Variants in ALK observed in about 807,000 individuals in gnomAD.
The protein encoded by ALK is ALK tyrosine kinase receptor.
ALK carries 74 observed loss-of-function variants against 163.1 expected under a neutral mutation model. That is an observed-to-expected ratio of 0.45 (90% CI 0.38 to 0.55). The LOEUF (loss-of-function observed/expected upper bound fraction) is 0.55. Ranked by LOEUF, ALK falls within the 20% of genes least tolerant of loss-of-function variation. The probability of loss-of-function intolerance (pLI) is 0.00; values close to 1 mark genes in which losing one functional copy is unlikely to be tolerated. For synonymous variants in ALK, 960 were observed against 843.2 expected (o/e 1.14, Z -2.40); for missense variants, 2,063 against 2,105.3 (o/e 0.98, Z 0.39).
At chr2:29,772,867 C>A (rs1681065275) in intron 1 of ALK, among the ~76,000 whole-genome samples, 1 of 152,226 alleles carries the variant, frequency 6.6e-6, no homozygotes, top group Non-Finnish European at 1.5e-5. Context: ...TACCTGGTCT[C>A]ATGATCAAAG....
chr2:29,429,369 C>A (rs1193784836), intron 4 of ALK, among the ~76,000 whole-genome samples: 2 of 151,848 alleles, frequency 1.3e-5, no homozygotes, highest in Non-Finnish European at 2.9e-5. Context: ...TAAGAAATCA[C>A]TAAAAAATAT....
intron 3 of ALK, among the ~76,000 whole-genome samples, chr2:29,630,621 G>T (rs180839285): frequency 7.1e-4 from 108 of 151,942 alleles, no homozygotes; most frequent in African/African-American, 2.5e-3. Flanking sequence ...GTTCTTAAGG[G>T]TATCACTAAA....
At chr2:29,311,703 C>G (rs1214959634) in intron 8 of ALK, among the ~76,000 whole-genome samples, 1 of 152,132 alleles carries the variant, frequency 6.6e-6, no homozygotes, top group Non-Finnish European at 1.5e-5. Context: ...CTGGAGGACA[C>G]TGTGGGCCTT....
intron 3 of ALK, among the ~76,000 whole-genome samples, chr2:29,610,201 A>G (rs1199854153): frequency 6.6e-6 from 1 of 152,216 alleles, no homozygotes; most frequent in Non-Finnish European, 1.5e-5. Context: ...CACATGCTGC[A>G]ACAGGAGTAC....
chr2:29,770,672 CA>C (rs1418289581), intron 1 of ALK, among the ~76,000 whole-genome samples: 1 of 151,912 alleles, frequency 6.6e-6, no homozygotes, highest in East Asian at 1.9e-4. Flanking sequence ...ATTATGATAG[CA>C]AAACAAGACT....
chr2:29,397,189 T>C (rs896792404), intron 4 of ALK, among the ~76,000 whole-genome samples: 1 of 152,148 alleles, frequency 6.6e-6, no homozygotes, highest in East Asian at 1.9e-4. Context: ...AAGTTAAAAT[T>C]AGATCATTAG....
chr2:29,689,368 G>A lies in ALK; in HGVS notation c.952+5482C>T, dbSNP rs539178457. On this transcript the variant is annotated intron_variant, in intron 3 of 28. Coordinates refer to ENST00000389048, the MANE Select transcript of ALK (RefSeq NM_004304.5). ...GGCTATATCCTGAGAGAATTTTCCCGCAAAGTCTGCACTTGCAGTTCAAAA... is the reference window on the plus strand; with the variant it reads ...GGCTATATCCTGAGAGAATTTTCCCACAAAGTCTGCACTTGCAGTTCAAAA... Among the ~76,000 whole-genome samples, 9 of 152,166 alleles carry A rather than the reference G, an allele frequency of 5.9e-5. No homozygotes were observed. In the South Asian group the frequency reaches 8.3e-4, roughly 14 times the overall value.
chr2:29,261,161 C>T (rs570361501), intron 11 of ALK, among the ~76,000 whole-genome samples: 64 of 152,308 alleles, frequency 4.2e-4, no homozygotes, highest in African/African-American at 1.5e-3. Flanking sequence ...TATCTCTTGG[C>T]TACTTAGGGG....
In ALK at chr2:29,355,087, A is replaced by G. The variant is rs1165882233; in HGVS notation, c.1283-26606T>C. Among the ~76,000 whole-genome samples, 5 of 152,180 alleles carry G rather than the reference A, an allele frequency of 3.3e-5. No individual in the cohort carries two copies. The East Asian group carries it at 9.6e-4, about 29-fold the overall frequency. ...GGCCAGCCCACTTTTCTTTGTGACA[A>G]GAATGGATACCTGATACCTTCCCTA... is the stretch of plus-strand genomic sequence containing the variant. On this transcript the variant is annotated intron_variant, in intron 5 of 28. Coordinates refer to ENST00000389048, the MANE Select transcript of ALK (RefSeq NM_004304.5).
intron 4 of ALK, among the ~76,000 whole-genome samples, chr2:29,444,692 T>C (rs987190056): frequency 9.2e-5 from 14 of 152,262 alleles, no homozygotes; most frequent in Non-Finnish European, 1.0e-4. Context: ...TAAACCATTT[T>C]ATTAAACTCA....
intron 3 of ALK, among the ~76,000 whole-genome samples, chr2:29,688,998 C>G (rs984553605): frequency 6.6e-6 from 1 of 152,112 alleles, no homozygotes; most frequent in Non-Finnish European, 1.5e-5. Flanking sequence ...GGAGAAAGAT[C>G]AGTGATTCTC....
At chr2:29,478,668 C>A (rs535510663) in intron 4 of ALK, among the ~76,000 whole-genome samples, 3 of 152,190 alleles carry the variant, frequency 2.0e-5, no homozygotes, top group Non-Finnish European at 4.4e-5. Flanking sequence ...GGATTGATGC[C>A]GATCTGTATC....
At chr2:29,776,910 C>T (rs1380705539) in intron 1 of ALK, among the ~76,000 whole-genome samples, 3 of 152,220 alleles carry the variant, frequency 2.0e-5, no homozygotes, top group African/African-American at 7.2e-5. Flanking sequence ...AGGATACCAC[C>T]TTGCCCAGGT....
chr2:29,284,442 TC>T (rs779574765), intron 9 of ALK, among the ~76,000 whole-genome samples: 5 of 152,210 alleles, frequency 3.3e-5, no homozygotes, highest in African/African-American at 4.8e-5. Context: ...GGCTACATTT[TC>T]CGAGACATTA....
intron 3 of ALK, among the ~76,000 whole-genome samples, chr2:29,571,312 A>G (rs751265092): frequency 1.3e-5 from 2 of 152,128 alleles, no homozygotes; most frequent in Admixed American, 1.3e-4. Flanking sequence ...CTCATCTCCA[A>G]TTGTAATCCC....
At chr2:29,650,287 G>A (rs1330370728) in intron 3 of ALK, among the ~76,000 whole-genome samples, 2 of 152,176 alleles carry the variant, frequency 1.3e-5, no homozygotes, top group Non-Finnish European at 2.9e-5. Context: ...CTGAAGCCAG[G>A]TAGGGGCTGC....
intron 3 of ALK, among the ~76,000 whole-genome samples, chr2:29,653,978 G>C (rs745751529): frequency 6.6e-6 from 1 of 152,100 alleles, no homozygotes; most frequent in African/African-American, 2.4e-5. Context: ...AGAATCATTT[G>C]AACCCAGGAA....
intron 4 of ALK, among the ~76,000 whole-genome samples, chr2:29,397,278 G>A (rs963739663): frequency 6.6e-6 from 1 of 152,150 alleles, no homozygotes; most frequent in African/African-American, 2.4e-5. Flanking sequence ...CACACACAGG[G>A]AGAATGCCGT....
chr2:29,197,515 G>A (rs1669052152), intron 27 of ALK, 27 bp downstream of exon 27: 2 of 1,612,424 alleles, frequency 1.2e-6, no homozygotes, highest in African/African-American at 2.7e-5. Flanking sequence ...TTAGTAACTA[G>A]CAGAAGTGTT....
Sources: allele counts gnomAD v4.1 joint callset (sites outside exome capture counted in the v4.1 genomes callset), GRCh38; gene constraint gnomAD v4.1.1; transcripts MANE v1.5; gene names NCBI Gene and HGNC (gene_info 2026-07-23, HGNC 2026-07-21).